Variants in ASIC2 observed in about 807,000 individuals in gnomAD.
ASIC2 encodes acid-sensing ion channel 2.
ASIC2 carries 25 observed loss-of-function variants against 57.3 expected under a neutral mutation model. The observed-to-expected ratio is 0.44, with a 90% confidence interval of 0.32 to 0.61. The LOEUF is 0.61. Ranked by LOEUF, ASIC2 falls within the 20% of genes least tolerant of loss-of-function variation. The probability of loss-of-function intolerance (pLI) is 0.06; values close to 1 mark genes in which losing one functional copy is unlikely to be tolerated. For missense variants in ASIC2, 641 were observed against 738.1 expected (o/e 0.87, Z 1.52); for synonymous variants, 319 against 307.5 (o/e 1.04, Z -0.39).
intron 1 of ASIC2, among the ~76,000 whole-genome samples, chr17:33,852,047 G>T (rs1018220638): frequency 2.0e-5 from 3 of 152,196 alleles, no homozygotes; most frequent in African/African-American, 7.2e-5. Context: ...TCAGGCCTGC[G>T]CTGCTTCACT....
At chr17:33,797,711 G>A (rs17836945) in intron 1 of ASIC2, among the ~76,000 whole-genome samples, 4 of 152,072 alleles carry the variant, frequency 2.6e-5, no homozygotes, top group African/African-American at 7.3e-5. Context: ...GTGAGTTTGC[G>A]CTTCCCTGGT....
chr17:33,851,361 G>T (rs1485785385), intron 1 of ASIC2, among the ~76,000 whole-genome samples: 3 of 152,116 alleles, frequency 2.0e-5, no homozygotes, highest in Admixed American at 6.5e-5. Flanking sequence ...GGCAATGATG[G>T]GGGAGTAGCC....
At chr17:34,049,477 C>T (rs1293330885) in intron 1 of ASIC2, among the ~76,000 whole-genome samples, 3 of 152,062 alleles carry the variant, frequency 2.0e-5, no homozygotes, top group Non-Finnish European at 4.4e-5. Context: ...TCCTGCCCAC[C>T]CACCACACTG....
chr17:34,126,110 A>C (rs1169944441), intron 1 of ASIC2, among the ~76,000 whole-genome samples: 1 of 152,202 alleles, frequency 6.6e-6, no homozygotes, highest in Non-Finnish European at 1.5e-5. Flanking sequence ...TCTCATGGCA[A>C]GACATAGAGG....
chr17:33,367,515 G>T (rs1016616224), intron 1 of ASIC2, among the ~76,000 whole-genome samples: 2 of 152,150 alleles, frequency 1.3e-5, no homozygotes, highest in Non-Finnish European at 2.9e-5. Flanking sequence ...CAAGGGAGGG[G>T]CAACTGCACC....
intron 1 of ASIC2, among the ~76,000 whole-genome samples, chr17:33,813,694 C>T (rs1459020432): frequency 6.6e-6 from 1 of 152,248 alleles, no homozygotes; most frequent in East Asian, 1.9e-4. Context: ...CCTGGGCCTC[C>T]CAAAGTCCTG....
chr17:33,676,884 G>A (rs1354038762), intron 1 of ASIC2, among the ~76,000 whole-genome samples: 1 of 152,186 alleles, frequency 6.6e-6, no homozygotes. Context: ...CTGGGTCATG[G>A]AGGTGGATCC....
At chr17:33,560,958 C>T (rs1916054935) in intron 1 of ASIC2, among the ~76,000 whole-genome samples, 1 of 152,136 alleles carries the variant, frequency 6.6e-6, no homozygotes, top group South Asian at 2.1e-4. Flanking sequence ...TACCACATCG[C>T]CTCCCTGGTG....
At chr17:33,795,889 C>T (rs996703794) in intron 1 of ASIC2, among the ~76,000 whole-genome samples, 14 of 152,214 alleles carry the variant, frequency 9.2e-5, no homozygotes, top group African/African-American at 3.4e-4. Flanking sequence ...AACTCTTCCC[C>T]TTGAAGTTAA....
intron 1 of ASIC2, among the ~76,000 whole-genome samples, chr17:33,342,255 C>T (rs1203603950): frequency 6.6e-6 from 1 of 152,054 alleles, no homozygotes; most frequent in African/African-American, 2.4e-5. Context: ...TTGTGAAATC[C>T]TTACTCATTG....
At chr17:33,484,999 G>T (rs550980863) in intron 1 of ASIC2, among the ~76,000 whole-genome samples, 1 of 152,358 alleles carries the variant, frequency 6.6e-6, no homozygotes, top group Admixed American at 6.5e-5. Flanking sequence ...TAACACTGCT[G>T]CTTCAAGAAA....
chr17:34,074,893 C>G (rs1308064747), intron 1 of ASIC2, among the ~76,000 whole-genome samples: 1 of 147,794 alleles, frequency 6.8e-6, no homozygotes, highest in African/African-American at 2.5e-5. Context: ...TCAAGTGATT[C>G]TCCTGTCTCA....
At chr17:34,002,160 T>A (rs1193044108) in intron 1 of ASIC2, 1 of 152,262 alleles carries the variant, frequency 6.6e-6, no homozygotes, top group East Asian at 1.9e-4. Flanking sequence ...CCCATCCTTC[T>A]ATACACTGTT....
At chr17:33,320,636 G>T (rs773648272) in intron 1 of ASIC2, among the ~76,000 whole-genome samples, 60 of 152,210 alleles carry the variant, frequency 3.9e-4, no homozygotes, top group Non-Finnish European at 7.2e-4. Context: ...TGAGTTTAGA[G>T]TTGGTTGGAT....
At chr17:33,219,599 CGT>C (rs1907620639) in intron 1 of ASIC2, among the ~76,000 whole-genome samples, 1 of 152,116 alleles carries the variant, frequency 6.6e-6, no homozygotes, top group African/African-American at 2.4e-5. Context: ...CTTTAAAGCC[CGT>C]AGTCTTAAGC....
intron 1 of ASIC2, among the ~76,000 whole-genome samples, chr17:33,280,732 A>C (rs1468467186): frequency 6.6e-6 from 1 of 152,224 alleles, no homozygotes; most frequent in Non-Finnish European, 1.5e-5. Flanking sequence ...CTCACTCCAG[A>C]GCCTTTGAGG....
At chr17:33,376,042 G>A (rs983989705) in intron 1 of ASIC2, among the ~76,000 whole-genome samples, 8 of 152,048 alleles carry the variant, frequency 5.3e-5, no homozygotes, top group Non-Finnish European at 1.0e-4. Context: ...GCGATGTGTG[G>A]ACTAAATATA....
chr17:33,569,365 A>C (rs1364324317), intron 1 of ASIC2: 1 of 152,216 alleles, frequency 6.6e-6, no homozygotes, highest in East Asian at 1.9e-4. Flanking sequence ...TCTGTGCTTC[A>C]CTGGAAGAGT....
chr17:34,121,418 C>T (rs539153473), intron 1 of ASIC2, among the ~76,000 whole-genome samples: 3 of 152,254 alleles, frequency 2.0e-5, no homozygotes, highest in Non-Finnish European at 4.4e-5. Flanking sequence ...ATTACCCCTC[C>T]CTCGTCTCTC....
Sources: gnomAD v4.1 joint callset for allele counts (sites outside exome capture counted in the v4.1 genomes callset) on GRCh38, gnomAD v4.1.1 for gene constraint, MANE v1.5 for transcripts, NCBI Gene and HGNC (gene_info 2026-07-23, HGNC 2026-07-21) for gene names.